Variants in CMTM7 observed in about 807,000 individuals in gnomAD.
The protein encoded by CMTM7 is CKLF-like MARVEL transmembrane domain-containing protein 7.
Under a neutral mutation model 19.3 loss-of-function variants are expected in CMTM7, and 7 were observed. The observed-to-expected ratio is 0.36, with a 90% confidence interval of 0.21 to 0.68. CMTM7 has a LOEUF of 0.68. CMTM7 is among the 30% of genes least tolerant of loss of function. CMTM7 has a pLI of 0.60. For synonymous variants in CMTM7, 87 were observed against 99.3 expected (o/e 0.88, Z 0.74); for missense variants, 193 against 232.6 (o/e 0.83, Z 1.11).
intron 2 of CMTM7, among the ~76,000 whole-genome samples, chr3:32,446,697 T>G (rs1441062835): frequency 6.6e-6 from 1 of 152,154 alleles, no homozygotes; most frequent in Non-Finnish European, 1.5e-5. Flanking sequence ...CTTGGTGCTG[T>G]TCTAGTGGTA....
At position 32,398,365 on chromosome 3, in the gene CMTM7, C is replaced by T. The variant is rs1435377627; in HGVS notation, c.159+6300C>T. Among the ~76,000 whole-genome samples, 3 of 152,064 alleles carry T rather than the reference C, an allele frequency of 2.0e-5. No individual in the cohort carries two copies. In the East Asian group the frequency reaches 5.8e-4, roughly 29 times the overall value. The stretch of plus-strand genomic sequence containing the variant: ...GCGGCAATGATGGAAATCTAAATAT[C>T]TTCTGGGAGGTTCATTTATTTATTT... On this transcript the variant is annotated intron_variant, in intron 1 of 4. Coordinates refer to ENST00000334983, the MANE Select transcript of CMTM7 (RefSeq NM_138410.4).
intron 1 of CMTM7, among the ~76,000 whole-genome samples, chr3:32,407,012 G>A (rs141898141): frequency 1.3e-5 from 2 of 152,318 alleles, no homozygotes; most frequent in African/African-American, 2.4e-5. Flanking sequence ...AGCAGCACCC[G>A]CAGTAGCTGG....
intron 1 of CMTM7, among the ~76,000 whole-genome samples, chr3:32,412,008 A>G (rs978703769): frequency 2.0e-5 from 3 of 152,194 alleles, no homozygotes; most frequent in Admixed American, 1.3e-4. Context: ...AAGGTTTGCA[A>G]TCTTCTTGGT....
chr3:32,452,275 A>G (rs539841852), intron 3 of CMTM7, 117 bp from the exon 4 acceptor site: 2 of 1,588,460 alleles, frequency 1.3e-6, no homozygotes, highest in African/African-American at 1.3e-5. Context: ...TGACTCTCCA[A>G]GCTCCTTTCT....
At chr3:32,437,932 T>C (rs1409449407) in intron 1 of CMTM7, among the ~76,000 whole-genome samples, 1 of 152,132 alleles carries the variant, frequency 6.6e-6, no homozygotes, top group Non-Finnish European at 1.5e-5. Flanking sequence ...ACATTTATGT[T>C]AGATATTTTA....
At chr3:32,397,039 A>C (rs1392345246) in intron 1 of CMTM7, among the ~76,000 whole-genome samples, 2 of 152,188 alleles carry the variant, frequency 1.3e-5, no homozygotes, top group African/African-American at 2.4e-5. Context: ...TCATGGGAAG[A>C]GGGGTCTTGT....
intron 1 of CMTM7, among the ~76,000 whole-genome samples, chr3:32,401,398 C>G (rs1038764896): frequency 6.6e-6 from 1 of 152,244 alleles, no homozygotes; most frequent in Non-Finnish European, 1.5e-5. Context: ...AGGCTGCAGG[C>G]AGCCAGGGCG....
At position 32,452,384 on chromosome 3, in the gene CMTM7, C is replaced by A. The variant is rs768004823; in HGVS notation, c.433-8C>A. On this transcript the variant is annotated splice_polypyrimidine_tract_variant and splice_region_variant and intron_variant, in intron 3 of 4. Transcript: ENST00000334983. Reference sequence around the variant, plus strand: ...CTGTGAACTTCCTCTCCCCTCTCTCCACTGCAGATCTTTGGTTTCATGGCC... The same window carrying A: ...CTGTGAACTTCCTCTCCCCTCTCTCAACTGCAGATCTTTGGTTTCATGGCC... The A allele has an allele frequency of 3.7e-6, 6 of 1,614,206 alleles. No individual in the cohort carries two copies. The highest frequency in any genetic ancestry group is 5.1e-6 in the Non-Finnish European group (6 of 1,180,028).
chr3:32,406,162 A>G (rs1271571456), intron 1 of CMTM7, among the ~76,000 whole-genome samples: 1 of 152,226 alleles, frequency 6.6e-6, no homozygotes, highest in African/African-American at 2.4e-5. Context: ...TTCCATATCC[A>G]TTCAGAAGGT....
intron 3 of CMTM7, chr3:32,451,975 C>A: frequency 1.2e-6 from 1 of 819,782 alleles, no homozygotes; most frequent in Non-Finnish European, 1.8e-6. Context: ...AAATGAAATG[C>A]GAACAACGCC....
intron 3 of CMTM7, among the ~76,000 whole-genome samples, chr3:32,450,422 G>C (rs142328933): frequency 6.6e-6 from 1 of 152,268 alleles, no homozygotes; most frequent in African/African-American, 2.4e-5. Context: ...AAAAAGAAAA[G>C]CTCTCTCTGT....
At chr3:32,419,213 G>A (rs1378154281) in intron 1 of CMTM7, among the ~76,000 whole-genome samples, 8 of 152,178 alleles carry the variant, frequency 5.3e-5, no homozygotes, top group Admixed American at 3.3e-4. Flanking sequence ...TTGAAATGCA[G>A]TTGATTTTTG....
At chr3:32,441,795 C>T in intron 1 of CMTM7, 45 bp from the exon 2 acceptor site, 1 of 1,581,504 alleles carries the variant, frequency 6.3e-7, no homozygotes, top group Non-Finnish European at 8.7e-7. Context: ...CCCTGGGTGC[C>T]CGTCTTGGGC....
intron 1 of CMTM7, among the ~76,000 whole-genome samples, chr3:32,428,308 C>T (rs1489322471): frequency 6.6e-6 from 1 of 152,252 alleles, no homozygotes; most frequent in African/African-American, 2.4e-5. Flanking sequence ...CCTGCAGCCT[C>T]AGAGTCCGAC....
intron 1 of CMTM7, among the ~76,000 whole-genome samples, chr3:32,403,290 C>T (rs187267395): frequency 6.6e-6 from 1 of 152,308 alleles, no homozygotes; most frequent in East Asian, 1.9e-4. Flanking sequence ...TCTCTGCTCA[C>T]TGCAGTCTTG....
At chr3:32,444,064 ATTTAG>A (rs1240029399) in intron 2 of CMTM7, among the ~76,000 whole-genome samples, 1 of 152,056 alleles carries the variant, frequency 6.6e-6, no homozygotes, top group Non-Finnish European at 1.5e-5. Context: ...ATTTTGATAA[ATTTAG>A]TTTATTTATT....
At chr3:32,399,588 G>C (rs1695971541) in intron 1 of CMTM7, among the ~76,000 whole-genome samples, 1 of 152,146 alleles carries the variant, frequency 6.6e-6, no homozygotes, top group Admixed American at 6.5e-5. Flanking sequence ...TCAGCCTCTG[G>C]TCTAGCTGTG....
chr3:32,422,249 TC>T (rs55683143), intron 1 of CMTM7, among the ~76,000 whole-genome samples: 8,278 of 152,268 alleles, frequency 0.054, 289 homozygotes, highest in East Asian at 0.11. Context: ...AATTTCTTCT[TC>T]CCCAGGCTGG....
intron 1 of CMTM7, among the ~76,000 whole-genome samples, chr3:32,406,483 C>T (rs543822594): frequency 1.3e-5 from 2 of 152,282 alleles, no homozygotes; most frequent in African/African-American, 4.8e-5. Flanking sequence ...TAGGGGTCTT[C>T]CATGTCTGCT....
Sources: gnomAD v4.1 joint callset for allele counts (sites outside exome capture counted in the v4.1 genomes callset) on GRCh38, gnomAD v4.1.1 for gene constraint, MANE v1.5 for transcripts, NCBI Gene and HGNC (gene_info 2026-07-23, HGNC 2026-07-21) for gene names.